GSG1L: variants seen among roughly 807,000 people sequenced by gnomAD.
GSG1L encodes the protein germ cell-specific gene 1-like protein.
Under a neutral mutation model 42.1 loss-of-function variants are expected in GSG1L, and 24 were observed. That is an observed-to-expected ratio of 0.57 (90% CI 0.41 to 0.80). The LOEUF is 0.80. GSG1L is among the 30% of genes least tolerant of loss of function. The pLI, the probability that GSG1L is intolerant of heterozygous loss-of-function variation, is 0.00. For missense variants in GSG1L, 445 were observed against 472.2 expected (o/e 0.94, Z 0.53); for synonymous variants, 215 against 203.5 (o/e 1.06, Z -0.48).
At chr16:28,013,023 G>C (rs561786827) in intron 1 of GSG1L, among the ~76,000 whole-genome samples, 1 of 151,926 alleles carries the variant, frequency 6.6e-6, no homozygotes, top group East Asian at 1.9e-4. Flanking sequence ...TCAGGAGTTC[G>C]AGACCAGCCT....
At chr16:27,944,748 A>G (rs2141087205) in intron 2 of GSG1L, among the ~76,000 whole-genome samples, 1 of 152,144 alleles carries the variant, frequency 6.6e-6, no homozygotes, top group South Asian at 2.1e-4. Flanking sequence ...CTTCGTTTTT[A>G]TGTGCCTATA....
chr16:28,032,456 G>A (rs1019113048), intron 1 of GSG1L, among the ~76,000 whole-genome samples: 4 of 152,308 alleles, frequency 2.6e-5, no homozygotes, highest in East Asian at 3.9e-4. Context: ...TGCACGACGC[G>A]CTCTTCCAGG....
At position 28,040,623 on chromosome 16, in the gene GSG1L, G is replaced by A. The variant is rs988324145; in HGVS notation, c.349+22453C>T. On this transcript the variant is annotated intron_variant, in intron 1 of 6. Transcript: ENST00000447459. This position sits in a 1 kb window ranked among gnomAD's most constrained non-coding sequence, Gnocchi z 4.1. ...AATGTCAAGGACGGATGCCCTTCCA[G>A]CAACCTAAGAAGAGACCCGCAGGAC... Among the ~76,000 whole-genome samples the A allele has an allele frequency of 2.0e-5, 3 of 152,210 alleles. No homozygotes were observed. The highest frequency in any genetic ancestry group is 6.5e-5 in the Admixed American group (1 of 15,288).
At position 28,058,620 on chromosome 16, in the gene GSG1L, CA is replaced by C. The variant is rs66952573; in HGVS notation, c.349+4455del. On this transcript the variant is annotated intron_variant, in intron 1 of 6. Transcript: ENST00000447459. Reference sequence around the variant, plus strand: ...TCCAGCCTGAGCCACAGAACAAGACCAAAAAAAAAAAAAAAACAAACAAACC... The same window carrying C: ...TCCAGCCTGAGCCACAGAACAAGACCAAAAAAAAAAAAAAACAAACAAACC... Among the ~76,000 whole-genome samples the C allele has an allele frequency of 1.9e-3, 158 of 82,554 alleles. 1 individual carries two copies. Among genetic ancestry groups the C allele is most frequent in the African/African-American group, 4.1e-3 (97 of 23,652 alleles). 54.2% of individuals were successfully genotyped at this position (82,554 alleles called of 152,430 possible). A position where few individuals can be genotyped will look rare whatever the true frequency, so the allele number is the denominator to read the frequency against.
chr16:27,968,824 T>C (rs2085161579), intron 1 of GSG1L, among the ~76,000 whole-genome samples: 1 of 152,194 alleles, frequency 6.6e-6, no homozygotes, highest in Non-Finnish European at 1.5e-5. Flanking sequence ...AAGTATGCAA[T>C]TTGGCTGGGC....
intron 2 of GSG1L, among the ~76,000 whole-genome samples, chr16:27,894,765 C>T (rs550463484): frequency 6.6e-6 from 1 of 152,338 alleles, no homozygotes; most frequent in African/African-American, 2.4e-5. Context: ...CCTTGTTCTA[C>T]AGATGAGAAA....
intron 2 of GSG1L, among the ~76,000 whole-genome samples, chr16:27,904,494 T>C (rs1268974128): frequency 6.6e-6 from 1 of 152,090 alleles, no homozygotes; most frequent in Non-Finnish European, 1.5e-5. Flanking sequence ...CCCTAGCATG[T>C]ATGACCATTC....
intron 2 of GSG1L, among the ~76,000 whole-genome samples, chr16:27,891,624 C>T (rs917181172): frequency 6.6e-6 from 1 of 152,038 alleles, no homozygotes; most frequent in African/African-American, 2.4e-5. Flanking sequence ...AGGCACTCAC[C>T]ACCACAACCC....
At chr16:27,935,327 T>C (rs7498406) in intron 2 of GSG1L, among the ~76,000 whole-genome samples, 1 of 151,762 alleles carries the variant, frequency 6.6e-6, no homozygotes, top group Non-Finnish European at 1.5e-5. Flanking sequence ...GATGGGGGAA[T>C]GGGGGGCTTC....
chr16:27,888,180 C>T (rs2084052162), intron 2 of GSG1L: 1 of 964,578 alleles, frequency 1.0e-6, no homozygotes, highest in Non-Finnish European at 1.2e-6. Flanking sequence ...CCCCCACACC[C>T]CAGGGGGTGC....
chr16:28,009,261 G>T (rs573384225), intron 1 of GSG1L, among the ~76,000 whole-genome samples: 1 of 152,202 alleles, frequency 6.6e-6, no homozygotes, highest in South Asian at 2.1e-4. Flanking sequence ...ACCAAACACT[G>T]TCCAGGCTCA....
chr16:27,977,483 C>T, intron 1 of GSG1L, among the ~76,000 whole-genome samples: 1 of 144,678 alleles, frequency 6.9e-6, no homozygotes, highest in East Asian at 2.0e-4. Context: ...TCGCTGAAAC[C>T]TGGGAGGCGG....
rs1016503293 is a variant in GSG1L, at chr16:28,040,653, A to G, written c.349+22423T>C. Reference sequence around the variant, plus strand: ...CTAAGAAGAGACCCGCAGGACATGAAGATGCTCTCAGAGCCCCCAGGCCTG... The same window carrying G: ...CTAAGAAGAGACCCGCAGGACATGAGGATGCTCTCAGAGCCCCCAGGCCTG... On this transcript the variant is annotated intron_variant, in intron 1 of 6. Coordinates refer to ENST00000447459, the MANE Select transcript of GSG1L (RefSeq NM_001109763.2). This position sits in a 1 kb window ranked among gnomAD's most constrained non-coding sequence, Gnocchi z 4.1. Among the ~76,000 whole-genome samples, 2 of 152,254 alleles carry G rather than the reference A, an allele frequency of 1.3e-5. No homozygotes were observed. The highest frequency in any genetic ancestry group is 4.8e-5 in the African/African-American group (2 of 41,478).
In GSG1L at chr16:28,005,851, C is replaced by G. The variant is rs569633482; in HGVS notation, c.350-42648G>C. Among the ~76,000 whole-genome samples the G allele has an allele frequency of 4.6e-5, 7 of 152,296 alleles. No individual in the cohort carries two copies. The East Asian group carries it at 1.4e-3, about 29-fold the overall frequency. Reference sequence around the variant, plus strand: ...TGCATTTCGGCAGAATAACAGCCCCCTAAAACGTCCACGCTTTAATCTTTG... The same window carrying G: ...TGCATTTCGGCAGAATAACAGCCCCGTAAAACGTCCACGCTTTAATCTTTG... On this transcript the variant is annotated intron_variant, in intron 1 of 6. Transcript: ENST00000447459.
intron 3 of GSG1L, among the ~76,000 whole-genome samples, chr16:27,870,881 CT>C (rs1350672926): frequency 6.6e-6 from 1 of 151,416 alleles, no homozygotes; most frequent in Non-Finnish European, 1.5e-5. Context: ...GGCCAGACAC[CT>C]GCAGTCACCT....
intron 1 of GSG1L, among the ~76,000 whole-genome samples, chr16:27,984,982 T>C (rs969838443): frequency 6.6e-6 from 1 of 152,140 alleles, no homozygotes; most frequent in East Asian, 1.9e-4. Flanking sequence ...GGTCTCGAGC[T>C]CCTGGCCTCA....
intron 4 of GSG1L, among the ~76,000 whole-genome samples, chr16:27,840,543 C>A (rs1380033226): frequency 6.6e-6 from 1 of 152,148 alleles, no homozygotes; most frequent in Non-Finnish European, 1.5e-5. Flanking sequence ...CTCGCACTCA[C>A]CGAGCAAACT....
rs1280305049 is a variant in GSG1L, at chr16:28,037,508, C to T, written c.349+25568G>A. Reference sequence around the variant, plus strand: ...TCAAACACAAATGCTTCAGGTGGTCCCCTACTAGGGCAGAGAAGAGACAGA... The same window carrying T: ...TCAAACACAAATGCTTCAGGTGGTCTCCTACTAGGGCAGAGAAGAGACAGA... On this transcript the variant is annotated intron_variant, in intron 1 of 6. Coordinates refer to ENST00000447459, the MANE Select transcript of GSG1L (RefSeq NM_001109763.2). Among the ~76,000 whole-genome samples the T allele has an allele frequency of 7.2e-5, 11 of 152,100 alleles. No individual in the cohort carries two copies. In the South Asian group the frequency reaches 1.7e-3, roughly 23 times the overall value.
At position 27,928,459 on chromosome 16, in the gene GSG1L, C is replaced by T. The variant is rs570703625; in HGVS notation, c.397+34697G>A. Among the ~76,000 whole-genome samples the T allele has an allele frequency of 3.9e-4, 60 of 152,284 alleles. 2 individuals carry two copies. In the South Asian group the frequency reaches 0.011, roughly 28 times the overall value. ...TCCCAGTCTCTGGGCCCCTCCAAGACGGCCCCCAGCCCAGTTCTAAGGAAA... is the reference window on the plus strand; with the variant it reads ...TCCCAGTCTCTGGGCCCCTCCAAGATGGCCCCCAGCCCAGTTCTAAGGAAA... On this transcript the variant is annotated intron_variant, in intron 2 of 6. Transcript: ENST00000447459.
Sources: gnomAD v4.1 joint callset for allele counts (sites outside exome capture counted in the v4.1 genomes callset) on GRCh38, gnomAD v4.1.1 for gene constraint, Gnocchi (gnomAD v3.1) non-coding constraint, MANE v1.5 for transcripts, NCBI Gene and HGNC (gene_info 2026-07-23, HGNC 2026-07-21) for gene names.